The following TGDS variants were observed in gnomAD, a reference collection of about 807,000 sequenced individuals.
TGDS encodes UDP-D-glucose 4,6-dehydratase.
A neutral mutation model predicts 52.3 loss-of-function variants in TGDS; 47 were observed. The ratio of observed to expected loss-of-function variants is 0.90; its 90% CI spans 0.71 to 1.15. The LOEUF is 1.15. TGDS is among the 50% of genes most tolerant of loss of function. The pLI is 0.00. For missense variants in TGDS, 375 were observed against 418.4 expected (o/e 0.90, Z 0.90); for synonymous variants, 115 against 136.9 (o/e 0.84, Z 1.12).
chr13:94,590,793 A>AG, intron 4 of TGDS, 60 bp downstream of exon 4: 2 of 1,295,636 alleles, frequency 1.5e-6, no homozygotes, highest in Non-Finnish European at 2.1e-6. Flanking sequence ...TATAAGTATT[A>AG]GGGGGGCGAG....
chr13:94,584,592 C>G (rs1328512795), intron 4 of TGDS, among the ~76,000 whole-genome samples: 4 of 152,150 alleles, frequency 2.6e-5, no homozygotes, highest in Non-Finnish European at 5.9e-5. Flanking sequence ...ACACAATGTC[C>G]AATCAGTTAA....
In TGDS at chr13:94,576,425, A is replaced by G; in HGVS notation, c.885-14T>C. The G allele has an allele frequency of 6.6e-7, 1 of 1,523,060 alleles. No individual in the cohort carries two copies. The highest frequency in any genetic ancestry group is 1.3e-5 in the South Asian group (1 of 79,658). The allele number at this position is 1,523,060 out of a possible 1,614,324, so 94.3% of individuals were successfully genotyped here. ...TCATTGGTGGGTCTTGGAAAACAAA[A>G]CAGATTTAAAATAATATTGTAGATA... On this transcript the variant is annotated splice_polypyrimidine_tract_variant and intron_variant, in intron 10 of 11. Coordinates refer to ENST00000261296, the MANE Select transcript of TGDS (RefSeq NM_014305.4).
intron 7 of TGDS, among the ~76,000 whole-genome samples, chr13:94,579,096 T>C (rs769507008): frequency 6.6e-6 from 1 of 152,236 alleles, no homozygotes; most frequent in African/African-American, 2.4e-5. Flanking sequence ...ATCTTACTTA[T>C]TGCTTTACAT....
chr13:94,574,746 C>T lies in TGDS; in HGVS notation c.*36G>A. The T allele has an allele frequency of 7.2e-7, 1 of 1,382,100 alleles. No homozygotes were observed. The highest frequency in any genetic ancestry group is 1.2e-5 in the South Asian group (1 of 80,686). The allele number at this position is 1,382,100 out of a possible 1,614,324, so 85.6% of individuals were successfully genotyped here. A position where few individuals can be genotyped will look rare whatever the true frequency, so the allele number is the denominator to read the frequency against. ...CCACTTGGCGAGGTAGGATAACTTT[C>T]TTCTTTGACAACTGTCTCGACTATA... On this transcript the variant is annotated 3_prime_UTR_variant, in exon 12 of 12. Transcript: ENST00000261296.
chr13:94,575,211 A>G (rs1215775999), intron 11 of TGDS, among the ~76,000 whole-genome samples: 2 of 151,644 alleles, frequency 1.3e-5, no homozygotes, highest in East Asian at 3.9e-4. Context: ...ATAAAAAAGT[A>G]TAATACAGTG....
intron 10 of TGDS, 119 bp downstream of exon 10, chr13:94,577,252 T>G: frequency 2.8e-6 from 2 of 711,146 alleles, no homozygotes; most frequent in Non-Finnish European, 4.4e-6. Context: ...ATGAAAAAAA[T>G]GTTTTACCAG....
rs187283578 is a variant in TGDS, at chr13:94,575,759, G to C, written c.982+555C>G. On this transcript the variant is annotated intron_variant, in intron 11 of 11. Coordinates refer to ENST00000261296, the MANE Select transcript of TGDS (RefSeq NM_014305.4). ...AAACTTTTTTTTCTACATCTGGGTAGAGCTTTTCTCATGAATACATTTCTA... is the reference window on the plus strand; with the variant it reads ...AAACTTTTTTTTCTACATCTGGGTACAGCTTTTCTCATGAATACATTTCTA... Among the ~76,000 whole-genome samples the C allele has an allele frequency of 2.0e-5, 3 of 152,078 alleles. No individual in the cohort carries two copies. The East Asian group carries it at 5.8e-4, about 29-fold the overall frequency.
chr13:94,586,360 G>A (rs1466723185), intron 4 of TGDS, among the ~76,000 whole-genome samples: 3 of 152,166 alleles, frequency 2.0e-5, no homozygotes, highest in African/African-American at 4.8e-5. Context: ...AAGTAACACA[G>A]CTATATTAAT....
chr13:94,590,504 T>A (rs1328418797), intron 4 of TGDS, among the ~76,000 whole-genome samples: 1 of 152,098 alleles, frequency 6.6e-6, no homozygotes. Context: ...AGAAAATATC[T>A]AAAATTCATA....
Position 94,576,428 on chromosome 13 carries a change from G to C in TGDS, c.885-17C>G. The C allele has an allele frequency of 1.3e-6, 2 of 1,502,506 alleles. No homozygotes were observed. The highest frequency in any genetic ancestry group is 1.3e-5 in the South Asian group (1 of 77,940). The allele number at this position is 1,502,506 out of a possible 1,614,324, so 93.1% of individuals were successfully genotyped here. A position where few individuals can be genotyped will look rare whatever the true frequency, so the allele number is the denominator to read the frequency against. On this transcript the variant is annotated splice_polypyrimidine_tract_variant and intron_variant, in intron 10 of 11. Transcript: ENST00000261296. ...TTGGTGGGTCTTGGAAAACAAAACA[G>C]ATTTAAAATAATATTGTAGATATAT...
Position 94,574,776 on chromosome 13 carries a change from T to C in TGDS, c.*6A>G, listed in dbSNP as rs774443691. 10 of 1,581,404 alleles carry C rather than the reference T, an allele frequency of 6.3e-6. No homozygotes were observed. In the Admixed American group the frequency reaches 1.0e-4, roughly 16 times the overall value. ...TTGACAACTGTCTCGACTATATAAA[T>C]GGTGATTATACCGGAAAGGGTTCTA... On this transcript the variant is annotated 3_prime_UTR_variant, in exon 12 of 12. Transcript: ENST00000261296.
chr13:94,586,212 A>G (rs61965580), intron 4 of TGDS, among the ~76,000 whole-genome samples: 102,556 of 151,224 alleles, frequency 0.68, 35,143 homozygotes, highest in African/African-American at 0.77. Flanking sequence ...GCAAATGCCG[A>G]GGAGGGTCAG....
intron 4 of TGDS, among the ~76,000 whole-genome samples, chr13:94,589,809 G>C (rs1246949151): frequency 6.6e-6 from 1 of 152,176 alleles, no homozygotes; most frequent in African/African-American, 2.4e-5. Flanking sequence ...TGGAGCAACA[G>C]GAAGTCACAC....
intron 6 of TGDS, among the ~76,000 whole-genome samples, chr13:94,580,452 CA>C (rs1283494706): frequency 6.6e-6 from 1 of 152,104 alleles, no homozygotes; most frequent in Non-Finnish European, 1.5e-5. Context: ...AGTGGGAAGC[CA>C]AATGTAGGAG....
intron 6 of TGDS, among the ~76,000 whole-genome samples, chr13:94,580,807 A>G (rs1372716169): frequency 6.6e-6 from 1 of 152,192 alleles, no homozygotes; most frequent in Non-Finnish European, 1.5e-5. Context: ...ATAATATGTA[A>G]ATTTTCTCAA....
chr13:94,592,089 G>A (rs1889220742), intron 3 of TGDS, 152 bp downstream of exon 3: 2 of 537,734 alleles, frequency 3.7e-6, no homozygotes, highest in African/African-American at 2.0e-5. Context: ...TAGAGCACAT[G>A]GTACTTTTGG....
At chr13:94,593,091 T>G (rs917811342) in intron 2 of TGDS, among the ~76,000 whole-genome samples, 1 of 151,844 alleles carries the variant, frequency 6.6e-6, no homozygotes, top group Admixed American at 6.6e-5. Context: ...GAGGTGGAGG[T>G]TGCAGTGAGC....
chr13:94,577,506 TAAAAAG>T, intron 9 of TGDS, 77 bp from the exon 10 acceptor site: 1 of 1,242,336 alleles, frequency 8.0e-7, no homozygotes, highest in Admixed American at 2.7e-5. Context: ...AATGGCTGAT[TAAAAAG>T]AAAACAACTG....
chr13:94,577,990 A>T lies in TGDS; in HGVS notation c.825+15T>A. 2 of 1,607,624 alleles carry T rather than the reference A, an allele frequency of 1.2e-6. No homozygotes were observed. The highest frequency in any genetic ancestry group is 2.2e-5 in the South Asian group (2 of 90,004). Reference sequence around the variant, plus strand: ...ACAATTTTGAAAATACCAACCTTTTAAAACAGATACATACCAGTTGTATTA... The same window carrying T: ...ACAATTTTGAAAATACCAACCTTTTTAAACAGATACATACCAGTTGTATTA... On this transcript the variant is annotated intron_variant, in intron 9 of 11. Coordinates refer to ENST00000261296, the MANE Select transcript of TGDS (RefSeq NM_014305.4).
Sources: gnomAD v4.1 joint callset for allele counts (sites outside exome capture counted in the v4.1 genomes callset) on GRCh38, gnomAD v4.1.1 for gene constraint, MANE v1.5 for transcripts, NCBI Gene and HGNC (gene_info 2026-07-23, HGNC 2026-07-21) for gene names.